Variants in ASCC3 observed in about 807,000 individuals in gnomAD.
The protein encoded by ASCC3 is ASC-1 complex subunit P200.
ASCC3 carries 158 observed loss-of-function variants against 256.3 expected under a neutral mutation model. That is an observed-to-expected ratio of 0.62 (90% CI 0.54 to 0.70). ASCC3 has a LOEUF of 0.70. Among genes scored for constraint, ASCC3 ranks in the 30% least tolerant of loss-of-function variants. The pLI is 0.00. For synonymous variants in ASCC3, 948 were observed against 883.4 expected (o/e 1.07, Z -1.30); for missense variants, 2,259 against 2,626.0 (o/e 0.86, Z 3.05).
In ASCC3 at chr6:100,629,168, T is replaced by C; in HGVS notation, c.4222A>G (p.Thr1408Ala). The C allele has an allele frequency of 6.2e-7, 1 of 1,613,454 alleles. No homozygotes were observed. Residue 1408 changes from threonine (T) to alanine (A), a missense_variant, in exon 27 of 42, where the codon ACA becomes GCA. Physicochemically the swap from Thr to Ala is moderately conservative, Grantham distance 58. Coordinates refer to ENST00000369162, the MANE Select transcript of ASCC3 (RefSeq NM_006828.4). ...EKLGKKVIELTGDVTPDMKSI... is the reference protein window; with the variant it reads ...EKLGKKVIELAGDVTPDMKSI... Reference sequence around the variant, plus strand: ...TTCATATCAGGAGTCACATCCCCTGTTAGTTCAATAACTCTGGAGGGAAAT... The same window carrying C: ...TTCATATCAGGAGTCACATCCCCTGCTAGTTCAATAACTCTGGAGGGAAAT...
chr6:100,573,170 G>A (rs942903985), intron 36 of ASCC3, among the ~76,000 whole-genome samples: 2 of 152,022 alleles, frequency 1.3e-5, no homozygotes, highest in Admixed American at 1.3e-4. Context: ...ATATTCAGAT[G>A]GCCTTAAATA....
chr6:100,796,756 C>T (rs1296670371), intron 8 of ASCC3, among the ~76,000 whole-genome samples: 1 of 152,150 alleles, frequency 6.6e-6, no homozygotes, highest in Non-Finnish European at 1.5e-5. Context: ...GCAGTTTCTG[C>T]TCTTTAAGCC....
At chr6:100,728,351 A>G (rs1412724330) in intron 10 of ASCC3, among the ~76,000 whole-genome samples, 1 of 152,098 alleles carries the variant, frequency 6.6e-6, no homozygotes. Flanking sequence ...GGATATGTTT[A>G]CAGAGGATGT....
chr6:100,585,227 C>T (rs911723223), intron 36 of ASCC3, among the ~76,000 whole-genome samples: 7 of 152,136 alleles, frequency 4.6e-5, no homozygotes, highest in African/African-American at 1.2e-4. Context: ...CAATCAGACG[C>T]AGATTTGGTC....
At chr6:100,853,325 T>C (rs1231538915) in intron 3 of ASCC3, among the ~76,000 whole-genome samples, 1 of 152,096 alleles carries the variant, frequency 6.6e-6, no homozygotes, top group Non-Finnish European at 1.5e-5. Flanking sequence ...CCTACTTTAA[T>C]AGTTGAGGAA....
At chr6:100,556,930 G>A (rs1255326770) in intron 36 of ASCC3, among the ~76,000 whole-genome samples, 2 of 152,094 alleles carry the variant, frequency 1.3e-5, no homozygotes, top group African/African-American at 4.8e-5. Context: ...AGCAGAGAGG[G>A]AGGAGCCAAA....
chr6:100,688,421 A>G (rs1777686602), intron 13 of ASCC3, among the ~76,000 whole-genome samples: 1 of 152,204 alleles, frequency 6.6e-6, no homozygotes, highest in South Asian at 2.1e-4. Context: ...TTTAAAATAT[A>G]GTTTTGTGGC....
chr6:100,778,815 G>A (rs866838140), intron 8 of ASCC3, among the ~76,000 whole-genome samples: 110 of 152,188 alleles, frequency 7.2e-4, no homozygotes, highest in African/African-American at 2.6e-3. Flanking sequence ...CTTAGGAAGA[G>A]TAAACCATAT....
At chr6:100,632,710 C>T (rs944811026) in intron 25 of ASCC3, among the ~76,000 whole-genome samples, 1 of 152,086 alleles carries the variant, frequency 6.6e-6, no homozygotes, top group African/African-American at 2.4e-5. Context: ...GGGCCTAAAG[C>T]ATACATACAA....
chr6:100,546,347 T>C (rs78252844), intron 36 of ASCC3, among the ~76,000 whole-genome samples: 6,636 of 152,284 alleles, frequency 0.044, 256 homozygotes, highest in Admixed American at 0.12. Flanking sequence ...CCCTATGTTG[T>C]GTGTATTAGA....
chr6:100,598,115 G>T (rs917574028), intron 34 of ASCC3, among the ~76,000 whole-genome samples: 2 of 152,074 alleles, frequency 1.3e-5, no homozygotes, highest in African/African-American at 4.8e-5. Context: ...CAGGCAAGAA[G>T]AAGAGTGACA....
rs142223006 is a variant in ASCC3, at chr6:100,724,408, A to G, written c.1902+1131T>C. Among the ~76,000 whole-genome samples the G allele has an allele frequency of 1.2e-3, 178 of 152,054 alleles. 2 individuals are homozygous for G. The highest frequency in any genetic ancestry group is 4.0e-3 in the African/African-American group (167 of 41,536). ...CAAAAGGGAAATTGAATTGAGATTA[A>G]TATTTCCAGACAGTAGGTGGTGGTG... is the stretch of plus-strand genomic sequence containing the variant. On this transcript the variant is annotated intron_variant, in intron 11 of 41. Transcript: ENST00000369162.
intron 3 of ASCC3, chr6:100,857,337 C>T (rs567467241): frequency 6.6e-6 from 1 of 152,150 alleles, no homozygotes; most frequent in East Asian, 1.9e-4. Context: ...GCTATATTCT[C>T]CCACTCCATG....
chr6:100,789,232 T>C (rs141355719), intron 8 of ASCC3, among the ~76,000 whole-genome samples: 34 of 152,016 alleles, frequency 2.2e-4, no homozygotes, highest in Non-Finnish European at 4.3e-4. Context: ...CCGTTGACTT[T>C]TATGCTTCTC....
At chr6:100,761,890 CT>C (rs941111840) in intron 10 of ASCC3, among the ~76,000 whole-genome samples, 1 of 152,270 alleles carries the variant, frequency 6.6e-6, no homozygotes, top group African/African-American at 2.4e-5. Flanking sequence ...ATATCTGCCC[CT>C]ATCTCCAACT....
chr6:100,715,417 C>G (rs757271385), intron 13 of ASCC3, 45 bp downstream of exon 13: 2 of 1,525,654 alleles, frequency 1.3e-6, no homozygotes, highest in East Asian at 4.5e-5. Flanking sequence ...TAAGCACTCT[C>G]TAAAAGCAGA....
At chr6:100,722,621 T>G (rs541764674) in intron 11 of ASCC3, among the ~76,000 whole-genome samples, 1 of 151,932 alleles carries the variant, frequency 6.6e-6, no homozygotes, top group South Asian at 2.1e-4. Flanking sequence ...CATGTGTAAG[T>G]GTTTAATAAA....
chr6:100,610,827 G>A (rs1006008183), intron 30 of ASCC3, among the ~76,000 whole-genome samples: 1 of 152,104 alleles, frequency 6.6e-6, no homozygotes, highest in Admixed American at 6.5e-5. Flanking sequence ...TACATGTTAG[G>A]TATTCTCATT....
chr6:100,581,822 A>G (rs1771292326), intron 36 of ASCC3, among the ~76,000 whole-genome samples: 1 of 149,786 alleles, frequency 6.7e-6, no homozygotes, highest in African/African-American at 2.4e-5. Context: ...TTTTCCCAGC[A>G]CCATTTATTA....
Sources: allele counts gnomAD v4.1 joint callset (sites outside exome capture counted in the v4.1 genomes callset), GRCh38; gene constraint gnomAD v4.1.1; transcripts MANE v1.5; gene names NCBI Gene and HGNC (gene_info 2026-07-23, HGNC 2026-07-21).